MACROD2: variants seen among roughly 807,000 people sequenced by gnomAD.
The protein encoded by MACROD2 is ADP-ribose glycohydrolase MACROD2.
In MACROD2, 36 loss-of-function variants were observed where a neutral mutation model predicts 70.4. The observed-to-expected ratio is 0.51, with a 90% CI of 0.39 to 0.68. MACROD2 has a LOEUF of 0.68. Ranked by LOEUF, MACROD2 falls within the 30% of genes least tolerant of loss-of-function variation. The probability of loss-of-function intolerance (pLI) is 0.00; values close to 1 mark genes in which losing one functional copy is unlikely to be tolerated. For synonymous variants in MACROD2, 172 were observed against 178.8 expected, an observed-to-expected ratio of 0.96 and a Z score of 0.30; for missense variants, 496 against 538.4, an observed-to-expected ratio of 0.92 and a Z score of 0.78.
chr20:15,094,016 G>T (rs763367107), intron 5 of MACROD2, among the ~76,000 whole-genome samples: 17 of 152,156 alleles, frequency 1.1e-4, no homozygotes, highest in Non-Finnish European at 2.1e-4. Flanking sequence ...GTCAAACATG[G>T]TTGTCTGGTC....
intron 8 of MACROD2, among the ~76,000 whole-genome samples, chr20:15,728,695 T>A (rs2050900077): frequency 6.6e-6 from 1 of 152,154 alleles, no homozygotes; most frequent in African/African-American, 2.4e-5. Context: ...TAGAGGTGTT[T>A]GTAGTCATCT....
intron 16 of MACROD2, among the ~76,000 whole-genome samples, chr20:16,042,710 C>T (rs1261450529): frequency 6.6e-6 from 1 of 152,036 alleles, no homozygotes; most frequent in Non-Finnish European, 1.5e-5. Context: ...AATAACTTTG[C>T]AGAGCAGGAT....
chr20:14,563,962 A>G (rs1305704960), intron 4 of MACROD2, among the ~76,000 whole-genome samples: 2 of 151,998 alleles, frequency 1.3e-5, no homozygotes, highest in Non-Finnish European at 2.9e-5. Context: ...TACAAGGTAT[A>G]GTACCCAAAA....
chr20:14,276,594 T>A (rs953977743), intron 3 of MACROD2, among the ~76,000 whole-genome samples: 2 of 151,560 alleles, frequency 1.3e-5, no homozygotes, highest in African/African-American at 2.4e-5. Context: ...AACCTGCACA[T>A]TGTGCACATG....
chr20:15,875,065 C>T (rs2064648884), intron 9 of MACROD2, among the ~76,000 whole-genome samples: 1 of 152,098 alleles, frequency 6.6e-6, no homozygotes, highest in Non-Finnish European at 1.5e-5. Flanking sequence ...ATGGGCATCT[C>T]TAGAAGCTGG....
At chr20:14,608,682 G>T (rs2123422601) in intron 4 of MACROD2, among the ~76,000 whole-genome samples, 1 of 152,274 alleles carries the variant, frequency 6.6e-6, no homozygotes, top group South Asian at 2.1e-4. Context: ...GAGGATGAGG[G>T]GAGAGCGACA....
At chr20:15,660,808 A>G (rs1004054786) in intron 8 of MACROD2, among the ~76,000 whole-genome samples, 2 of 151,694 alleles carry the variant, frequency 1.3e-5, no homozygotes, top group African/African-American at 4.8e-5. Flanking sequence ...GCTCAAGCCA[A>G]ACATTCAGAC....
intron 2 of MACROD2, among the ~76,000 whole-genome samples, chr20:14,061,662 C>T (rs2053692250): frequency 6.6e-6 from 1 of 151,948 alleles, no homozygotes. Context: ...TTGATGACCT[C>T]AAAAATAATG....
chr20:16,001,859 G>C (rs534611655), intron 15 of MACROD2, among the ~76,000 whole-genome samples: 2 of 152,020 alleles, frequency 1.3e-5, no homozygotes, highest in Non-Finnish European at 2.9e-5. Flanking sequence ...TTCAATGTAA[G>C]GGAGTACTTT....
intron 2 of MACROD2, among the ~76,000 whole-genome samples, chr20:14,065,901 G>A (rs1448339933): frequency 2.0e-5 from 3 of 152,152 alleles, no homozygotes; most frequent in African/African-American, 4.8e-5. Context: ...TGCAAAATAC[G>A]TGAGTCGTCA....
chr20:14,594,250 C>A (rs1981972481), intron 4 of MACROD2, among the ~76,000 whole-genome samples: 1 of 152,202 alleles, frequency 6.6e-6, no homozygotes, highest in South Asian at 2.1e-4. Flanking sequence ...ACTCACTCAT[C>A]TGTGATCTTT....
intron 8 of MACROD2, among the ~76,000 whole-genome samples, chr20:15,726,213 A>C (rs1264225591): frequency 6.6e-6 from 1 of 152,168 alleles, no homozygotes; most frequent in African/African-American, 2.4e-5. Context: ...TAGTTCTCTT[A>C]GGATAATTGC....
chr20:15,539,853 T>G (rs2047930704), intron 8 of MACROD2, among the ~76,000 whole-genome samples: 1 of 152,184 alleles, frequency 6.6e-6, no homozygotes, highest in African/African-American at 2.4e-5. Context: ...CCAGGCATGG[T>G]GGCAGGCGCC....
chr20:15,629,922 GC>G (rs1347048373), intron 8 of MACROD2, among the ~76,000 whole-genome samples: 1 of 152,198 alleles, frequency 6.6e-6, no homozygotes, highest in Admixed American at 6.5e-5. Context: ...AAGTAATTTA[GC>G]AATGTGGGAA....
chr20:15,499,388 C>T (rs2047337075), intron 7 of MACROD2, among the ~76,000 whole-genome samples: 1 of 152,130 alleles, frequency 6.6e-6, no homozygotes, highest in Admixed American at 6.5e-5. Context: ...CATGTTTTCT[C>T]TGAGACACAT....
chr20:14,826,929 G>T (rs896868941), intron 5 of MACROD2, among the ~76,000 whole-genome samples: 1 of 152,090 alleles, frequency 6.6e-6, no homozygotes, highest in Non-Finnish European at 1.5e-5. Flanking sequence ...GAAGCTGCTG[G>T]TGTTAAAATG....
At chr20:15,998,290 A>G (rs1294048481) in intron 15 of MACROD2, among the ~76,000 whole-genome samples, 2 of 152,224 alleles carry the variant, frequency 1.3e-5, no homozygotes, top group Non-Finnish European at 2.9e-5. Flanking sequence ...AGAATTCACC[A>G]ATGAAGTAAT....
intron 5 of MACROD2, among the ~76,000 whole-genome samples, chr20:14,749,261 C>A (rs1422497484): frequency 6.6e-6 from 1 of 152,050 alleles, no homozygotes; most frequent in Non-Finnish European, 1.5e-5. Flanking sequence ...TAGCCTCCTA[C>A]TCCCTTGTAT....
chr20:15,858,424 A>G (rs998085158), intron 8 of MACROD2, among the ~76,000 whole-genome samples: 1 of 152,170 alleles, frequency 6.6e-6, no homozygotes, highest in African/African-American at 2.4e-5. Flanking sequence ...TCTCAGCCAT[A>G]TAACAATTAG....
Sources: allele counts gnomAD v4.1 joint callset (sites outside exome capture counted in the v4.1 genomes callset), GRCh38; gene constraint gnomAD v4.1.1; transcripts MANE v1.5; gene names NCBI Gene and HGNC (gene_info 2026-07-23, HGNC 2026-07-21).